The following CRB1 variants were observed in gnomAD, a reference collection of about 807,000 sequenced individuals.
CRB1 encodes the protein protein crumbs homolog 1.
Under a neutral mutation model 120.0 loss-of-function variants are expected in CRB1, and 83 were observed. That is an observed-to-expected ratio of 0.69 (90% CI 0.58 to 0.83). The LOEUF (loss-of-function observed/expected upper bound fraction) is 0.83, where lower values mean the gene tolerates loss of function less well. Ranked by LOEUF, CRB1 falls within the 40% of genes least tolerant of loss-of-function variation. The pLI is 0.00. For missense variants in CRB1, 1,699 were observed against 1,687.6 expected (o/e 1.01, Z -0.12); for synonymous variants, 625 against 612.5 (o/e 1.02, Z -0.30).
intron 1 of CRB1, among the ~76,000 whole-genome samples, chr1:197,300,788 G>T (rs537627769): frequency 6.6e-6 from 1 of 152,190 alleles, no homozygotes; most frequent in Admixed American, 6.5e-5. Flanking sequence ...TTGATGCCTG[G>T]CTTCACAGTT....
At chr1:197,372,371 G>T (rs1355945436) in intron 5 of CRB1, among the ~76,000 whole-genome samples, 1 of 152,110 alleles carries the variant, frequency 6.6e-6, no homozygotes, top group Non-Finnish European at 1.5e-5. Context: ...AATGACAGGG[G>T]CAATAAACGA....
intron 1 of CRB1, among the ~76,000 whole-genome samples, chr1:197,315,526 A>AC (rs1226523193): frequency 6.6e-6 from 1 of 152,210 alleles, no homozygotes; most frequent in Non-Finnish European, 1.5e-5. Flanking sequence ...ACAAAAATCC[A>AC]CATGTGTGGA....
chr1:197,370,120 C>G (rs922929703), intron 5 of CRB1, among the ~76,000 whole-genome samples: 2 of 152,022 alleles, frequency 1.3e-5, no homozygotes, highest in Non-Finnish European at 2.9e-5. Context: ...CACTTCCAAG[C>G]CAGGACTACA....
chr1:197,279,662 G>T (rs1228292756), intron 1 of CRB1, among the ~76,000 whole-genome samples: 1 of 151,140 alleles, frequency 6.6e-6, no homozygotes, highest in Admixed American at 6.6e-5. Context: ...TTGAAGTTCA[G>T]AATAGCCATA....
intron 1 of CRB1, among the ~76,000 whole-genome samples, chr1:197,327,536 C>CA (rs1658587040): frequency 1.3e-5 from 2 of 152,122 alleles, no homozygotes; most frequent in Non-Finnish European, 2.9e-5. Context: ...CACACAGATG[C>CA]ATACACACAC....
chr1:197,325,611 A>G (rs1472057508), intron 1 of CRB1, among the ~76,000 whole-genome samples: 1 of 152,138 alleles, frequency 6.6e-6, no homozygotes, highest in Non-Finnish European at 1.5e-5. Flanking sequence ...AACGCCAACC[A>G]TATATATTGA....
chr1:197,321,168 G>T (rs1201629457), intron 1 of CRB1, among the ~76,000 whole-genome samples: 3 of 152,146 alleles, frequency 2.0e-5, no homozygotes, highest in African/African-American at 7.2e-5. Context: ...GTGCCATAGG[G>T]CTATGCACAT....
the CRB1 span, among the ~76,000 whole-genome samples, chr1:197,258,176 T>C: frequency 2.0e-5 from 3 of 152,214 alleles, no homozygotes; most frequent in Non-Finnish European, 4.4e-5. Flanking sequence ...ATAGTATAAT[T>C]GGATTTTTTG....
chr1:197,389,055 A>T (rs1284397488), intron 5 of CRB1, among the ~76,000 whole-genome samples: 3 of 152,118 alleles, frequency 2.0e-5, no homozygotes, highest in African/African-American at 4.8e-5. Flanking sequence ...AAAAGTTACA[A>T]ATATCAAGTG....
At chr1:197,400,794 A>G (rs926762814) in intron 5 of CRB1, among the ~76,000 whole-genome samples, 1 of 152,260 alleles carries the variant, frequency 6.6e-6, no homozygotes, top group East Asian at 1.9e-4. Flanking sequence ...CTGTTTTGAA[A>G]TATGTCTGTT....
At chr1:197,473,220 T>C (rs556524380) in intron 11 of CRB1, among the ~76,000 whole-genome samples, 4 of 152,312 alleles carry the variant, frequency 2.6e-5, no homozygotes, top group East Asian at 3.9e-4. Context: ...TTCAAATCCC[T>C]TTCTGTCTGC....
chr1:197,260,268 T>C, the CRB1 span, among the ~76,000 whole-genome samples: 1 of 150,756 alleles, frequency 6.6e-6, no homozygotes, highest in Non-Finnish European at 1.5e-5. Flanking sequence ...TTAAACAAAA[T>C]TTTTTTTTAT....
At chr1:197,399,243 T>C (rs1662936297) in intron 5 of CRB1, among the ~76,000 whole-genome samples, 1 of 152,178 alleles carries the variant, frequency 6.6e-6, no homozygotes. Flanking sequence ...CTAATGAATG[T>C]AGCATTTAGG....
At chr1:197,370,094 C>T (rs772373523) in intron 5 of CRB1, among the ~76,000 whole-genome samples, 5 of 152,006 alleles carry the variant, frequency 3.3e-5, no homozygotes, top group Non-Finnish European at 5.9e-5. Flanking sequence ...GACAAACAAA[C>T]GCTGAGAGAT....
the CRB1 span, among the ~76,000 whole-genome samples, chr1:197,219,760 TC>T: frequency 6.6e-6 from 1 of 152,206 alleles, no homozygotes; most frequent in South Asian, 2.1e-4. Context: ...TGCACTTACC[TC>T]TAAGTTTTAT....
intron 11 of CRB1, 95 bp downstream of exon 11, chr1:197,442,387 T>C: frequency 6.2e-7 from 1 of 1,607,698 alleles, no homozygotes; most frequent in Non-Finnish European, 8.5e-7. Flanking sequence ...GACGAGCCAG[T>C]TGTTGAGTGG....
intron 11 of CRB1, among the ~76,000 whole-genome samples, chr1:197,464,154 G>A (rs1247543966): frequency 5.3e-5 from 8 of 152,244 alleles, no homozygotes; most frequent in South Asian, 2.1e-4. Flanking sequence ...GCTCCTCCTC[G>A]TGTTGCTAAA....
At chr1:197,341,465 C>A (rs780602810) in intron 2 of CRB1, among the ~76,000 whole-genome samples, 1 of 152,028 alleles carries the variant, frequency 6.6e-6, no homozygotes, top group African/African-American at 2.4e-5. Flanking sequence ...ATTGCTTAAA[C>A]CTGGGAGGCA....
At chr1:197,463,036 G>C (rs778827996) in intron 11 of CRB1, among the ~76,000 whole-genome samples, 2 of 151,958 alleles carry the variant, frequency 1.3e-5, no homozygotes. Flanking sequence ...CTTAATCATC[G>C]CCTGATGATA....
Sources: allele counts gnomAD v4.1 joint callset (sites outside exome capture counted in the v4.1 genomes callset), GRCh38; gene constraint gnomAD v4.1.1; transcripts MANE v1.5; gene names NCBI Gene and HGNC (gene_info 2026-07-23, HGNC 2026-07-21).